CRIM1: variants seen among roughly 807,000 people sequenced by gnomAD.
The protein encoded by CRIM1 is cysteine rich transmembrane BMP regulator 1.
Under a neutral mutation model 116.4 loss-of-function variants are expected in CRIM1, and 32 were observed. The observed-to-expected ratio is 0.27, with a 90% CI of 0.21 to 0.37. The LOEUF is 0.37. Among genes scored for constraint, CRIM1 ranks in the 10% least tolerant of loss-of-function variants. The probability of loss-of-function intolerance (pLI) is 1.00; values close to 1 mark genes in which losing one functional copy is unlikely to be tolerated. For synonymous variants in CRIM1, 590 were observed against 509.2 expected (o/e 1.16, Z -2.13); for missense variants, 1,331 against 1,354.8 (o/e 0.98, Z 0.28).
chr2:36,480,064 C>T (rs1343173035), intron 7 of CRIM1, among the ~76,000 whole-genome samples: 2 of 152,190 alleles, frequency 1.3e-5, no homozygotes, highest in Non-Finnish European at 2.9e-5. Context: ...TGTGATGCTT[C>T]CATATGCCCA....
rs948148057 is a variant in CRIM1, at chr2:36,421,451, A to G, written c.506-19807A>G. Among the ~76,000 whole-genome samples the G allele has an allele frequency of 2.6e-5, 4 of 152,236 alleles. No homozygotes were observed. In the South Asian group the frequency reaches 8.3e-4, roughly 32 times the overall value. On this transcript the variant is annotated intron_variant, in intron 2 of 16. Coordinates refer to ENST00000280527, the MANE Select transcript of CRIM1 (RefSeq NM_016441.3). Reference sequence around the variant, plus strand: ...TTTTATTAGTCTGTTTTCTGGTGGTAGTAAGATGACTAGATATGAGCCCAG... The same window carrying G: ...TTTTATTAGTCTGTTTTCTGGTGGTGGTAAGATGACTAGATATGAGCCCAG...
rs143510576 is a variant in CRIM1 at position 36,479,509 on chromosome 2, C to A, written c.1187C>A (p.Pro396His). The change falls in exon 7 of 17, where the codon CCT becomes CAT. Residue 396 changes from proline (P) to histidine (H), a missense_variant. Pro to His is a moderately conservative substitution (Grantham distance 77). This residue lies in a region of CRIM1 where 690 missense variants were observed against 676.0 expected (regional missense o/e 1.02). Transcript: ENST00000280527. ...CCPVCEDPVY[P>H]FNNPAGCYAN... ...TGTTCTCATTTAGATCCAGTGTATC[C>A]TTTTAATAATCCCGCTGGCTGCTAT... 1.2e-6 allele frequency: 2 copies of A among 1,614,184 alleles called. No homozygotes were observed. The highest frequency in any genetic ancestry group is 1.7e-5 in the Admixed American group (1 of 60,030).
At chr2:36,444,297 AG>A (rs1248935115) in intron 4 of CRIM1, among the ~76,000 whole-genome samples, 1 of 152,222 alleles carries the variant, frequency 6.6e-6, no homozygotes, top group African/African-American at 2.4e-5. Flanking sequence ...AGGTATATTT[AG>A]TCTCAATTTA....
At chr2:36,358,827 G>A (rs1161748608) in intron 1 of CRIM1, among the ~76,000 whole-genome samples, 2 of 151,986 alleles carry the variant, frequency 1.3e-5, no homozygotes, top group Non-Finnish European at 2.9e-5. Context: ...TGAAACCAAA[G>A]TAAGGACAGT....
At chr2:36,537,990 C>T (rs1028896613) in intron 14 of CRIM1, among the ~76,000 whole-genome samples, 2 of 152,124 alleles carry the variant, frequency 1.3e-5, no homozygotes, top group Non-Finnish European at 2.9e-5. Context: ...CTGGTTCATT[C>T]TTTTTTTACT....
chr2:36,462,575 C>T (rs956727396), intron 4 of CRIM1, among the ~76,000 whole-genome samples: 4 of 152,182 alleles, frequency 2.6e-5, no homozygotes, highest in African/African-American at 7.2e-5. Context: ...TGTACACTCT[C>T]AGGTGTTTAG....
chr2:36,465,057 A>T (rs1421979103), intron 5 of CRIM1, among the ~76,000 whole-genome samples: 1 of 152,234 alleles, frequency 6.6e-6, no homozygotes, highest in Non-Finnish European at 1.5e-5. Flanking sequence ...CTTGGGAACA[A>T]GAAAAACATG....
chr2:36,522,225 C>A lies in CRIM1; in HGVS notation c.2340C>A (p.Ser780Arg). 2.5e-6 allele frequency: 4 copies of A among 1,614,072 alleles called. No individual in the cohort carries two copies. The highest frequency in any genetic ancestry group is 3.4e-6 in the Non-Finnish European group (4 of 1,179,970). ...GTACCAGCTGCATCTGCATTGATAG[C>A]GTAATTAGCTGTTTCTCTGAGTCCT... ...DVCTSCICID[S>R]VISCFSESCP... Residue 780 changes from serine (S) to arginine (R), a missense_variant, in exon 13 of 17, where the codon AGC (serine) becomes AGA (arginine). By Grantham distance (110) the Ser-to-Arg change is moderately radical. This residue lies in a region of CRIM1 where 358 missense variants were observed against 436.1 expected (regional missense o/e 0.82). Transcript: ENST00000280527.
At chr2:36,511,423 TCA>T (rs1664670197) in intron 9 of CRIM1, among the ~76,000 whole-genome samples, 2 of 152,254 alleles carry the variant, frequency 1.3e-5, no homozygotes, top group African/African-American at 2.4e-5. Flanking sequence ...TGAATCATCA[TCA>T]TTCTTAATCC....
In CRIM1 at chr2:36,443,760, C is replaced by A. The variant is rs1299445046; in HGVS notation, c.869+1025C>A. On this transcript the variant is annotated intron_variant, in intron 4 of 16. Transcript: ENST00000280527. ...TATCTGTCCGTAATTGAAGAGACAT[C>A]CAGAATTTGTTCTGATAATTACTTT... Among the ~76,000 whole-genome samples, 4 of 152,264 alleles carry A rather than the reference C, an allele frequency of 2.6e-5. 1 individual carries two copies. The highest frequency in any genetic ancestry group is 2.0e-4 in the Admixed American group (3 of 15,296).
intron 2 of CRIM1, among the ~76,000 whole-genome samples, chr2:36,411,951 A>G (rs375965570): frequency 7.9e-5 from 12 of 152,316 alleles, no homozygotes; most frequent in African/African-American, 2.6e-4. Flanking sequence ...CACTATAACA[A>G]CCACACCCAA....
intron 7 of CRIM1, among the ~76,000 whole-genome samples, chr2:36,497,745 G>T (rs980606673): frequency 6.6e-6 from 1 of 152,202 alleles, no homozygotes; most frequent in Non-Finnish European, 1.5e-5. Context: ...GCTGATCTAA[G>T]CATCTCTTTA....
chr2:36,368,279 C>T (rs1177492009), intron 1 of CRIM1, among the ~76,000 whole-genome samples: 3 of 152,228 alleles, frequency 2.0e-5, no homozygotes, highest in Admixed American at 1.3e-4. Flanking sequence ...CTGCACACTG[C>T]GCAAGCTCCC....
At position 36,396,646 on chromosome 2, in the gene CRIM1, T is replaced by C; in HGVS notation, c.364T>C (p.Phe122Leu). Reference protein sequence around the residue: ...ENWTDDQLLGFKPCNENLIAG... With the variant: ...ENWTDDQLLGLKPCNENLIAG... ...CTGGACTGATGACCAACTGCTTGGT[T>C]TTAAACCATGCAATGAAAACCTTAT... is the stretch of plus-strand genomic sequence containing the variant. The change falls in exon 2 of 17, where the codon TTT becomes CTT. Residue 122 changes from phenylalanine to leucine, a missense_variant. Physicochemically the swap from Phe to Leu is conservative, Grantham distance 22. Transcript: ENST00000280527. 6.2e-7 allele frequency: 1 copy of C among 1,612,268 alleles called. No individual in the cohort carries two copies. Among genetic ancestry groups the C allele is most frequent in the Non-Finnish European group, 8.5e-7 (1 of 1,178,500 alleles).
intron 8 of CRIM1, 69 bp downstream of exon 8, chr2:36,499,416 T>C (rs1680832379): frequency 1.3e-6 from 2 of 1,483,312 alleles, no homozygotes; most frequent in Admixed American, 1.9e-5. Context: ...TATTATGTAA[T>C]TGAATATCTT....
At chr2:36,408,867 C>T (rs1673007522) in intron 2 of CRIM1, among the ~76,000 whole-genome samples, 2 of 151,852 alleles carry the variant, frequency 1.3e-5, no homozygotes, top group Admixed American at 1.3e-4. Flanking sequence ...AACTCACAGA[C>T]AGTCAAAAAA....
At chr2:36,521,652 C>T (rs1487211506) in intron 12 of CRIM1, among the ~76,000 whole-genome samples, 1 of 152,174 alleles carries the variant, frequency 6.6e-6, no homozygotes, top group Non-Finnish European at 1.5e-5. Context: ...CATATCTACC[C>T]TTCTTTGAAG....
Position 36,456,684 on chromosome 2 carries a change from G to C in CRIM1, c.870-7850G>C, listed in dbSNP as rs546771093. Among the ~76,000 whole-genome samples, 37 of 152,288 alleles carry C rather than the reference G, an allele frequency of 2.4e-4. No individual in the cohort carries two copies. The South Asian group carries it at 4.6e-3, about 19-fold the overall frequency. On this transcript the variant is annotated intron_variant, in intron 4 of 16. Coordinates refer to ENST00000280527, the MANE Select transcript of CRIM1 (RefSeq NM_016441.3). Reference sequence around the variant, plus strand: ...ATCGGATTGTTGAGCTGGACTGAGTGGCCCAGGATTTCTGCCAGATCCCAG... The same window carrying C: ...ATCGGATTGTTGAGCTGGACTGAGTCGCCCAGGATTTCTGCCAGATCCCAG...
rs1172911464 is a variant in CRIM1 at position 36,550,085 on chromosome 2, T to G, written c.*1384T>G. The G allele has an allele frequency of 6.6e-6, 1 of 152,128 alleles. No individual in the cohort carries two copies. Among genetic ancestry groups the G allele is most frequent in the Non-Finnish European group, 1.5e-5 (1 of 67,960 alleles). The allele number at this position is 152,128 out of a possible 1,614,324, so 9.4% of individuals were successfully genotyped here. On this transcript the variant is annotated 3_prime_UTR_variant, in exon 17 of 17. Transcript: ENST00000280527. ...TGTGTGTGCGCGCGCACGCACGCCTTGAGCAGTCAGCATTGCACCTGCTAT... is the reference window on the plus strand; with the variant it reads ...TGTGTGTGCGCGCGCACGCACGCCTGGAGCAGTCAGCATTGCACCTGCTAT...
Sources: gnomAD v4.1 joint callset for allele counts (sites outside exome capture counted in the v4.1 genomes callset) on GRCh38, gnomAD v4.1.1 for gene constraint, gnomAD v4.1.1 regional missense constraint, MANE v1.5 for transcripts, NCBI Gene and HGNC (gene_info 2026-07-23, HGNC 2026-07-21) for gene names.